The following RHOA variants were observed in gnomAD, a reference collection of about 807,000 sequenced individuals.
RHOA encodes ras homolog family member A, also known as transforming protein RhoA.
In RHOA, 3 loss-of-function variants were observed where a neutral mutation model predicts 17.5. That is an observed-to-expected ratio of 0.17 (90% CI 0.08 to 0.44). RHOA has a LOEUF of 0.44. RHOA is among the 20% of genes least tolerant of loss of function. RHOA has a pLI of 0.99. For missense variants in RHOA, 56 were observed against 242.3 expected (o/e 0.23, Z 5.10); for synonymous variants, 98 against 88.4 (o/e 1.11, Z -0.61).
In RHOA at chr3:49,402,599, AAG is replaced by A. The variant is rs1256760941; in HGVS notation, c.-3+9219_-3+9220del. On this transcript the variant is annotated intron_variant, in intron 1 of 4. Coordinates refer to ENST00000418115, the MANE Select transcript of RHOA (RefSeq NM_001664.4). The stretch of plus-strand genomic sequence containing the variant: ...TGAGGCAGGAGTATTACTTGGGCAC[AAG>A]AGTTAGAGGCTGCAGTGAGCCACGA... 2.0e-5 allele frequency among the ~76,000 whole-genome samples: 3 copies of A among 152,122 alleles called. No homozygotes were observed. The East Asian group carries it at 5.8e-4, about 29-fold the overall frequency.
intron 1 of RHOA, among the ~76,000 whole-genome samples, chr3:49,401,041 CAA>C (rs57354041): frequency 7.0e-4 from 47 of 67,580 alleles, no homozygotes; most frequent in East Asian, 2.3e-3. Flanking sequence ...GACTCCGTCT[CAA>C]AAAAAAAAAA....
intron 1 of RHOA, among the ~76,000 whole-genome samples, chr3:49,379,229 T>C (rs2048279565): frequency 1.3e-5 from 2 of 152,226 alleles, no homozygotes; most frequent in South Asian, 4.1e-4. Flanking sequence ...ATATATGCTA[T>C]AGTATGGATA....
At chr3:49,362,896 G>C (rs1400270889) in intron 3 of RHOA, among the ~76,000 whole-genome samples, 1 of 152,194 alleles carries the variant, frequency 6.6e-6, no homozygotes, top group East Asian at 1.9e-4. Context: ...AGGAGCAAAA[G>C]ATCCACAACA....
At chr3:49,390,637 T>C (rs1406626097) in intron 1 of RHOA, among the ~76,000 whole-genome samples, 1 of 152,098 alleles carries the variant, frequency 6.6e-6, no homozygotes, top group Non-Finnish European at 1.5e-5. Flanking sequence ...AAAAGGAAAA[T>C]ACAGATGTAA....
At chr3:49,396,708 C>A (rs1362067572) in intron 1 of RHOA, among the ~76,000 whole-genome samples, 1 of 151,832 alleles carries the variant, frequency 6.6e-6, no homozygotes, top group Non-Finnish European at 1.5e-5. Flanking sequence ...ACATCACACA[C>A]AAAAAAAGTC....
chr3:49,387,934 C>T (rs1196375898), intron 1 of RHOA, among the ~76,000 whole-genome samples: 1 of 151,898 alleles, frequency 6.6e-6, no homozygotes, highest in Non-Finnish European at 1.5e-5. Flanking sequence ...GCATGTCTTA[C>T]ACCTGTTTAC....
intron 1 of RHOA, among the ~76,000 whole-genome samples, chr3:49,391,318 G>A (rs2048501823): frequency 6.6e-6 from 1 of 151,484 alleles, no homozygotes; most frequent in Non-Finnish European, 1.5e-5. Context: ...GTTGAACCCA[G>A]GAGACAGAGG....
intron 1 of RHOA, among the ~76,000 whole-genome samples, chr3:49,392,198 T>C (rs970435455): frequency 6.6e-6 from 1 of 152,136 alleles, no homozygotes; most frequent in African/African-American, 2.4e-5. Flanking sequence ...GACTCCCACC[T>C]GTAATCCCAG....
At chr3:49,405,923 G>C (rs2048825415) in intron 1 of RHOA, among the ~76,000 whole-genome samples, 1 of 152,100 alleles carries the variant, frequency 6.6e-6, no homozygotes. Flanking sequence ...GACCTCAGGT[G>C]ACCCACCCAC....
At chr3:49,370,466 GC>G (rs1187028050) in intron 2 of RHOA, among the ~76,000 whole-genome samples, 6 of 152,146 alleles carry the variant, frequency 3.9e-5, no homozygotes, top group Non-Finnish European at 8.8e-5. Flanking sequence ...TAAATTTTCT[GC>G]TATAATGTGG....
intron 3 of RHOA, chr3:49,365,346 T>C (rs1210633805): frequency 6.6e-6 from 1 of 151,964 alleles, no homozygotes; most frequent in Non-Finnish European, 1.5e-5. Context: ...GGATTCACCA[T>C]GTTGGACAGG....
chr3:49,396,061 A>G (rs1252531625), intron 1 of RHOA, among the ~76,000 whole-genome samples: 2 of 152,202 alleles, frequency 1.3e-5, no homozygotes, highest in Non-Finnish European at 2.9e-5. Context: ...AATAACTGAA[A>G]TGCTCAAAAA....
At chr3:49,368,604 A>G in intron 2 of RHOA, 56 bp from the exon 3 acceptor site, 1 of 1,603,974 alleles carries the variant, frequency 6.2e-7, no homozygotes, top group Non-Finnish European at 8.5e-7. Context: ...ACCCACTTTT[A>G]GAAAAAGTGA....
chr3:49,378,236 C>T (rs1401490683), intron 1 of RHOA, among the ~76,000 whole-genome samples: 2 of 127,450 alleles, frequency 1.6e-5, no homozygotes, highest in Non-Finnish European at 3.2e-5. Context: ...ATCTATCCAT[C>T]TATCTTTTTT....
chr3:49,405,424 T>G (rs563154383), intron 1 of RHOA, among the ~76,000 whole-genome samples: 4 of 151,964 alleles, frequency 2.6e-5, no homozygotes, highest in Non-Finnish European at 5.9e-5. Flanking sequence ...AGAGCAAAAC[T>G]CCATCTCAAA....
rs1396214710 is a variant in RHOA at position 49,367,809 on chromosome 3, G to A, written c.277+619C>T. 5.3e-5 allele frequency among the ~76,000 whole-genome samples: 8 copies of A among 151,658 alleles called. No homozygotes were observed. The South Asian group carries it at 6.3e-4, about 12-fold the overall frequency. Reference sequence around the variant, plus strand: ...AGTGCTAGGATTACAGGTGTCAGCCGCCGCACCAGCCTTAGTTTACTCATC... The same window carrying A: ...AGTGCTAGGATTACAGGTGTCAGCCACCGCACCAGCCTTAGTTTACTCATC... On this transcript the variant is annotated intron_variant, in intron 3 of 4. Coordinates refer to ENST00000418115, the MANE Select transcript of RHOA (RefSeq NM_001664.4).
chr3:49,368,348 T>C (rs2048092823), intron 3 of RHOA, 80 bp downstream of exon 3: 1 of 1,536,778 alleles, frequency 6.5e-7, no homozygotes, highest in South Asian at 1.2e-5. Flanking sequence ...ATGTCTGCTT[T>C]TCAGCCACTT....
intron 1 of RHOA, among the ~76,000 whole-genome samples, chr3:49,389,626 T>C (rs776932205): frequency 1.1e-4 from 16 of 151,914 alleles, no homozygotes; most frequent in Non-Finnish European, 1.9e-4. Context: ...AGAATTCCAA[T>C]AGCTAACAAC....
At chr3:49,407,232 G>GTTTTTTTTTTT (rs61556875) in intron 1 of RHOA, among the ~76,000 whole-genome samples, 5 of 70,020 alleles carry the variant, frequency 7.1e-5, no homozygotes, top group Non-Finnish European at 1.3e-4. Flanking sequence ...AATCCTTTCC[G>GTTTTTTTTTTT]TTTTTTTTTT....
Sources: allele counts gnomAD v4.1 joint callset (sites outside exome capture counted in the v4.1 genomes callset), GRCh38; gene constraint gnomAD v4.1.1; transcripts MANE v1.5; gene names NCBI Gene and HGNC (gene_info 2026-07-23, HGNC 2026-07-21).